Variants in CAPS2 observed in about 807,000 individuals in gnomAD.
CAPS2 encodes calcyphosine 2.
A neutral mutation model predicts 86.5 loss-of-function variants in CAPS2; 98 were observed. The observed-to-expected ratio is 1.13, with a 90% CI of 0.96 to 1.34. CAPS2 has a LOEUF of 1.34. CAPS2 is among the 40% of genes most tolerant of loss of function. The pLI, the probability that CAPS2 is intolerant of heterozygous loss-of-function variation, is 0.00. For synonymous variants in CAPS2, 210 were observed against 225.1 expected, an observed-to-expected ratio of 0.93 and a Z score of 0.60; for missense variants, 729 against 686.8, an observed-to-expected ratio of 1.06 and a Z score of -0.69.
At chr12:75,298,598 A>G in intron 11 of CAPS2, 89 bp downstream of exon 11, 1 of 917,728 alleles carries the variant, frequency 1.1e-6, no homozygotes, top group African/African-American at 1.7e-5. Context: ...AATAAATTGA[A>G]GACTAGAAGC....
chr12:75,344,684 G>A (rs972861764), intron 1 of CAPS2, among the ~76,000 whole-genome samples: 4 of 151,646 alleles, frequency 2.6e-5, no homozygotes, highest in African/African-American at 9.7e-5. Flanking sequence ...TATTATATTC[G>A]CAATTTGTAC....
chr12:75,296,615 A>G (rs1442079055), intron 11 of CAPS2, among the ~76,000 whole-genome samples: 1 of 152,170 alleles, frequency 6.6e-6, no homozygotes, highest in African/African-American at 2.4e-5. Flanking sequence ...ATGCAGGTGC[A>G]TCTATGGGCA....
intron 5 of CAPS2, among the ~76,000 whole-genome samples, chr12:75,317,183 A>C (rs2039858422): frequency 6.6e-6 from 1 of 152,172 alleles, no homozygotes; most frequent in African/African-American, 2.4e-5. Flanking sequence ...CCATGAAAGC[A>C]GGAACCTTGT....
chr12:75,367,268 GAAAAAAAA>G (rs35250320), intron 1 of CAPS2, among the ~76,000 whole-genome samples: 67 of 88,738 alleles, frequency 7.6e-4, no homozygotes, highest in Non-Finnish European at 6.0e-4. Context: ...TTCCTAGGAG[GAAAAAAAA>G]AAAAAAAAAA....
At chr12:75,294,026 G>A (rs375388738) in intron 11 of CAPS2, among the ~76,000 whole-genome samples, 2 of 152,102 alleles carry the variant, frequency 1.3e-5, no homozygotes, top group East Asian at 3.8e-4. Flanking sequence ...TCTGACTCAG[G>A]GGTCCCAGAA....
At chr12:75,277,355 C>G in exon 17 of CAPS2, 1 of 973,590 alleles carries the variant, frequency 1.0e-6, no homozygotes. Context: ...ATTGAGCACC[C>G]CCAGTATTAG....
At chr12:75,276,128 C>T, downstream of CAPS2, 3 of 1,419,536 alleles carry the variant, frequency 2.1e-6, no homozygotes, top group Non-Finnish European at 2.8e-6. Context: ...GTCCACCCTG[C>T]AGATTGTCTT....
chr12:75,332,596 A>G (rs144335420), upstream of CAPS2, among the ~76,000 whole-genome samples: 54 of 152,274 alleles, frequency 3.5e-4, no homozygotes, highest in African/African-American at 1.2e-3. Flanking sequence ...ATACATATAT[A>G]TAACAATTAA....
At chr12:75,372,233 A>C (rs2044406935) in intron 1 of CAPS2, among the ~76,000 whole-genome samples, 1 of 151,970 alleles carries the variant, frequency 6.6e-6, no homozygotes, top group African/African-American at 2.4e-5. Flanking sequence ...GGCTGGTCTT[A>C]AAGTCCTGAC....
chr12:75,306,153 C>T, intron 7 of CAPS2: 1 of 1,021,446 alleles, frequency 9.8e-7, no homozygotes, highest in Non-Finnish European at 1.5e-6. Context: ...CCGAGGAGTT[C>T]GTCCAGCAGA....
At chr12:75,366,120 G>A (rs1329383108) in intron 1 of CAPS2, among the ~76,000 whole-genome samples, 1 of 152,104 alleles carries the variant, frequency 6.6e-6, no homozygotes, top group East Asian at 1.9e-4. Context: ...AACTTGAAAA[G>A]CATGTGGGCT....
chr12:75,373,503 A>G (rs1440490797), intron 1 of CAPS2: 1 of 152,056 alleles, frequency 6.6e-6, no homozygotes, highest in Non-Finnish European at 1.5e-5. Context: ...CCCATGAATC[A>G]CTATATTATC....
chr12:75,335,681 TA>T (rs1310092804), intron 1 of CAPS2, among the ~76,000 whole-genome samples: 1 of 152,138 alleles, frequency 6.6e-6, no homozygotes, highest in Non-Finnish European at 1.5e-5. Flanking sequence ...AAAACTGTAC[TA>T]GTCTACTGTA....
At chr12:75,281,396 T>C (rs2033917983) in intron 16 of CAPS2, among the ~76,000 whole-genome samples, 1 of 151,980 alleles carries the variant, frequency 6.6e-6, no homozygotes. Context: ...TAAATGATAG[T>C]ATATTGATTC....
At chr12:75,378,278 G>A (rs111531447) in intron 1 of CAPS2, among the ~76,000 whole-genome samples, 4 of 152,156 alleles carry the variant, frequency 2.6e-5, no homozygotes, top group African/African-American at 9.7e-5. Flanking sequence ...GTGATTATAG[G>A]CATGAGCCAC....
rs762279274 is a variant in CAPS2 at position 75,293,365 on chromosome 12, AC to A, written c.1046del (p.Gly349ValfsTer4). 9.4e-6 allele frequency: 15 copies of A among 1,597,706 alleles called. No homozygotes were observed. Among genetic ancestry groups the A allele is most frequent in the East Asian group, 9.0e-5 (4 of 44,614 alleles). On this transcript the variant is annotated frameshift_variant and splice_region_variant, in exon 12 of 17. Transcript: ENST00000393284. LOFTEE classifies it high-confidence loss of function. ...CAGAACTCAAAAATGTCAAGGTTGC[AC>A]CCTAAACAAAAGAACAGATGAATGA...
chr12:75,298,300 T>C (rs756632603), intron 11 of CAPS2: 2 of 179,226 alleles, frequency 1.1e-5, no homozygotes, highest in Non-Finnish European at 2.4e-5. Context: ...CAGAGGCCCA[T>C]ACCCCTTCAC....
chr12:75,353,843 A>C (rs1010125040), intron 1 of CAPS2, among the ~76,000 whole-genome samples: 12 of 152,252 alleles, frequency 7.9e-5, no homozygotes, highest in African/African-American at 2.9e-4. Context: ...CAACATACGC[A>C]AATCAATGAA....
chr12:75,277,736 A>G (rs1385224733), exon 17 of CAPS2: 7 of 833,934 alleles, frequency 8.4e-6, no homozygotes, highest in Admixed American at 6.3e-5. Context: ...TACAAAGTAA[A>G]TATTTTCATT....
Sources: allele counts gnomAD v4.1 joint callset (sites outside exome capture counted in the v4.1 genomes callset), GRCh38; gene constraint gnomAD v4.1.1; transcripts MANE v1.5; gene names NCBI Gene and HGNC (gene_info 2026-07-23, HGNC 2026-07-21).